Variants in TJP1 observed in about 807,000 individuals in gnomAD.
The protein encoded by TJP1 is tight junction protein 1.
A neutral mutation model predicts 194.2 loss-of-function variants in TJP1; 43 were observed. The observed-to-expected ratio is 0.22, with a 90% CI of 0.17 to 0.29. The LOEUF is 0.29. Ranked by LOEUF, TJP1 falls within the 10% of genes least tolerant of loss-of-function variation. The pLI is 1.00. For missense variants in TJP1, 1,971 were observed against 2,185.7 expected, an observed-to-expected ratio of 0.90 and a Z score of 1.96; for synonymous variants, 801 against 779.0, an observed-to-expected ratio of 1.03 and a Z score of -0.47.
chr15:29,814,745 A>T (rs2151966221), intron 1 of TJP1, among the ~76,000 whole-genome samples: 1 of 152,284 alleles, frequency 6.6e-6, no homozygotes, highest in Non-Finnish European at 1.5e-5. Context: ...CTTCTGTTTT[A>T]CCTCCTTTCC....
In TJP1 at chr15:29,701,426, C is replaced by A. The variant is rs972000672; in HGVS notation, c.*169G>T. ...AACATGCAGTGTGTAGCATGTTTTC[C>A]GACCATGGTTCAGGGGCATGCTCAC... is the stretch of plus-strand genomic sequence containing the variant. On this transcript the variant is annotated 3_prime_UTR_variant, in exon 28 of 28. Transcript: ENST00000614355. 4.3e-5 allele frequency: 23 copies of A among 540,186 alleles called. No individual in the cohort carries two copies. The highest frequency in any genetic ancestry group is 6.9e-5 in the Non-Finnish European group (21 of 305,352). 33.5% of individuals were successfully genotyped at this position (540,186 alleles called of 1,614,324 possible).
intron 1 of TJP1, among the ~76,000 whole-genome samples, chr15:29,962,266 A>G (rs55885994): frequency 0.21 from 32,364 of 152,182 alleles, 4,418 homozygotes; most frequent in African/African-American, 0.38. Flanking sequence ...TGTTCCCAGG[A>G]AGCCTCAGAT....
chr15:29,712,168 T>G (rs1006728579), intron 23 of TJP1, among the ~76,000 whole-genome samples: 1 of 152,354 alleles, frequency 6.6e-6, no homozygotes, highest in East Asian at 1.9e-4. Context: ...CAATAACATA[T>G]ACATTTGGAA....
At chr15:29,820,658 A>C (rs2152005919) in intron 1 of TJP1, 1 of 678,626 alleles carries the variant, frequency 1.5e-6, no homozygotes, top group Middle Eastern at 2.4e-4. Flanking sequence ...TGTAATACGG[A>C]AACAAAGCCT....
chr15:29,964,533 T>A (rs1424864831), intron 1 of TJP1, among the ~76,000 whole-genome samples: 2 of 152,068 alleles, frequency 1.3e-5, no homozygotes, highest in African/African-American at 4.8e-5. Flanking sequence ...CAAGGAAGGA[T>A]CCTCCCCTAC....
chr15:29,949,256 TCCACCA>T (rs770084103), intron 2 of TJP1, among the ~76,000 whole-genome samples: 20 of 41,356 alleles, frequency 4.8e-4, no homozygotes, highest in Admixed American at 2.2e-3. Flanking sequence ...CACCACCACC[TCCACCA>T]CCACCACCTC....
At chr15:29,853,784 C>T (rs1407637430) in intron 2 of TJP1, among the ~76,000 whole-genome samples, 2 of 152,156 alleles carry the variant, frequency 1.3e-5, no homozygotes, top group Non-Finnish European at 2.9e-5. Flanking sequence ...ACTAAATGTG[C>T]TTGTTTTCAG....
Position 29,850,485 on chromosome 15 carries a change from C to T in TJP1, c.307-49783G>A, listed in dbSNP as rs149631903. 5.1e-4 allele frequency among the ~76,000 whole-genome samples: 78 copies of T among 151,958 alleles called. No individual in the cohort carries two copies. The East Asian group carries it at 6.1e-3, about 12-fold the overall frequency. On this transcript the variant is annotated intron_variant, in intron 2 of 28. Transcript: ENST00000356107. ...CCAAGTAGCTGGGATTACAGGCACACGCCACCATGCCCAGCTAATTTTTGT... is the reference window on the plus strand; with the variant it reads ...CCAAGTAGCTGGGATTACAGGCACATGCCACCATGCCCAGCTAATTTTTGT...
chr15:29,749,621 G>T (rs2045108913), intron 8 of TJP1, among the ~76,000 whole-genome samples: 1 of 152,174 alleles, frequency 6.6e-6, no homozygotes, highest in Non-Finnish European at 1.5e-5. Context: ...GTTCTGTTGT[G>T]TGAAGTCTCC....
At chr15:29,837,103 T>G (rs894129019) in intron 2 of TJP1, among the ~76,000 whole-genome samples, 1 of 152,194 alleles carries the variant, frequency 6.6e-6, no homozygotes, top group Non-Finnish European at 1.5e-5. Context: ...GATGTGGAGG[T>G]GAAATATATT....
chr15:29,705,325 A>G (rs1256059580), intron 26 of TJP1, among the ~76,000 whole-genome samples: 2 of 152,202 alleles, frequency 1.3e-5, no homozygotes, highest in Non-Finnish European at 2.9e-5. Context: ...CACCAAAAGT[A>G]AAAGCAGGCA....
In TJP1 at chr15:29,715,164, T is replaced by C. The variant is rs763572524; in HGVS notation, c.4202+1447A>G. Among the ~76,000 whole-genome samples, 6 of 152,258 alleles carry C rather than the reference T, an allele frequency of 3.9e-5. No individual in the cohort carries two copies. In the East Asian group the frequency reaches 9.6e-4, roughly 24 times the overall value. On this transcript the variant is annotated intron_variant, in intron 23 of 27. Transcript: ENST00000614355. ...TTTTGTTCTTGTGGGTTTTGTTCTG[T>C]TGAGGTATGAACCCAGCTGTGCACC...
chr15:29,909,657 A>C (rs1315909095), intron 2 of TJP1, among the ~76,000 whole-genome samples: 2 of 152,062 alleles, frequency 1.3e-5, no homozygotes, highest in Non-Finnish European at 2.9e-5. Flanking sequence ...CTGGTTTCCC[A>C]CTGTGCAAAG....
intron 2 of TJP1, among the ~76,000 whole-genome samples, chr15:29,938,416 A>G (rs897979992): frequency 2.3e-5 from 3 of 133,316 alleles, no homozygotes; most frequent in Admixed American, 8.3e-5. Context: ...ATGATATCAA[A>G]GCATAATTAT....
intron 23 of TJP1, 132 bp downstream of exon 23, chr15:29,716,479 T>C: frequency 3.1e-6 from 2 of 648,384 alleles, no homozygotes; most frequent in Non-Finnish European, 2.5e-6. Context: ...CTAAAAAGTA[T>C]GTACAATGCT....
intron 8 of TJP1, among the ~76,000 whole-genome samples, chr15:29,760,658 T>A (rs975275423): frequency 6.6e-6 from 1 of 152,162 alleles, no homozygotes; most frequent in Middle Eastern, 3.2e-3. Flanking sequence ...ATTACAGGTG[T>A]GAGCCACCGC....
rs1313700409 is a variant in TJP1, at chr15:29,734,297, A to G, written c.1493T>C (p.Ile498Thr). 3 of 1,610,632 alleles carry G rather than the reference A, an allele frequency of 1.9e-6. No homozygotes were observed. The highest frequency in any genetic ancestry group is 2.5e-6 in the Non-Finnish European group (3 of 1,178,940). Residue 498 changes from isoleucine (I) to threonine (T), a missense_variant, in exon 12 of 28, where the codon ATA becomes ACA. Transcript: ENST00000614355. Reference sequence around the variant, plus strand: ...ACCATCCTTCTTCTTCTGAGCCAATATGGTCACTTCTTCTCCTTTAGGGAG... The same window carrying G: ...ACCATCCTTCTTCTTCTGAGCCAATGTGGTCACTTCTTCTCCTTTAGGGAG... ...LDLPKGEEVT[I>T]LAQKKKDVYR... is the part of the protein sequence containing the mutation.
At chr15:29,847,524 G>A (rs375966830) in intron 2 of TJP1, among the ~76,000 whole-genome samples, 281 of 152,254 alleles carry the variant, frequency 1.8e-3, no homozygotes, top group East Asian at 3.9e-3. Context: ...AGTGGCTCAC[G>A]CCTGTAATCC....
chr15:29,746,143 C>A (rs1445329437), intron 8 of TJP1, among the ~76,000 whole-genome samples: 2 of 152,202 alleles, frequency 1.3e-5, no homozygotes, highest in Non-Finnish European at 2.9e-5. Flanking sequence ...CTTTGGGAGG[C>A]TGAGGCGGGC....
Sources: gnomAD v4.1 joint callset for allele counts (sites outside exome capture counted in the v4.1 genomes callset) on GRCh38, gnomAD v4.1.1 for gene constraint, MANE v1.5 for transcripts, NCBI Gene and HGNC (gene_info 2026-07-23, HGNC 2026-07-21) for gene names.